ASTN1: variants seen among roughly 807,000 people sequenced by gnomAD.
ASTN1 encodes astrotactin-1.
In ASTN1, 41 loss-of-function variants were observed where a neutral mutation model predicts 140.7. The ratio of observed to expected loss-of-function variants is 0.29; its 90% CI spans 0.23 to 0.38. The LOEUF is 0.38. Among genes scored for constraint, ASTN1 ranks in the 10% least tolerant of loss-of-function variants. The pLI is 1.00. For missense variants in ASTN1, 1,479 were observed against 1,678.8 expected (o/e 0.88, Z 2.08); for synonymous variants, 640 against 652.2 (o/e 0.98, Z 0.29).
chr1:177,134,007 G>A (rs1682057638), intron 1 of ASTN1, among the ~76,000 whole-genome samples: 1 of 152,160 alleles, frequency 6.6e-6, no homozygotes, highest in Admixed American at 6.5e-5. Context: ...GTCACCCAGG[G>A]AATGTGTGTT....
At chr1:177,042,350 C>T (rs933392225) in intron 2 of ASTN1, among the ~76,000 whole-genome samples, 3 of 152,196 alleles carry the variant, frequency 2.0e-5, no homozygotes, top group African/African-American at 7.2e-5. Context: ...TCCAGCAGCA[C>T]AGTCCCTAGC....
Position 176,894,724 on chromosome 1 carries a change from C to T in ASTN1, c.2778G>A (p.Ala926=), listed in dbSNP as rs772918086. 1.5e-5 allele frequency: 25 copies of T among 1,614,026 alleles called. No homozygotes were observed. The highest frequency in any genetic ancestry group is 6.7e-5 in the Admixed American group (4 of 60,010). Residue 926 remains alanine, a synonymous_variant, in exon 17 of 23, where the codon GCG becomes GCA. Transcript: ENST00000361833. ...SLSDSGTKHM[A]AGVRMECHSK... is the part of the protein sequence containing the mutation. ...TGTGGCACTCCATGCGGACTCCAGC[C>T]GCCATGTGCTTGGTGCCGGAGTCTG...
Position 177,032,508 on chromosome 1 carries a change from G to A in ASTN1, c.813C>T (p.Thr271=). 6.2e-7 allele frequency: 1 copy of A among 1,614,102 alleles called. No homozygotes were observed. Among genetic ancestry groups the A allele is most frequent in the Non-Finnish European group, 8.5e-7 (1 of 1,180,024 alleles). The change falls in exon 3 of 23, where the codon ACC becomes ACT. Residue 271 remains threonine (T), a synonymous_variant. Transcript: ENST00000361833. ...GEDFASQVTR[T]LDSLQGCNEK... ...CATTGCAGCCCTGCAGGGAGTCGAGGGTGCGCGTGACCTGGCTGGCAAAGT... is the reference window on the plus strand; with the variant it reads ...CATTGCAGCCCTGCAGGGAGTCGAGAGTGCGCGTGACCTGGCTGGCAAAGT...
intron 16 of ASTN1, among the ~76,000 whole-genome samples, chr1:176,911,396 C>G (rs1263274942): frequency 1.3e-5 from 2 of 152,108 alleles, no homozygotes; most frequent in Non-Finnish European, 2.9e-5. Context: ...AAGTTTTTTA[C>G]TTCATAAACT....
At chr1:176,949,533 C>T (rs1484838542) in intron 11 of ASTN1, among the ~76,000 whole-genome samples, 182 bp from the exon 12 acceptor site, 1 of 152,288 alleles carries the variant, frequency 6.6e-6, no homozygotes, top group African/African-American at 2.4e-5. Context: ...CCTTTTTTGA[C>T]GTCTTTCTTC....
intron 8 of ASTN1, among the ~76,000 whole-genome samples, chr1:176,966,130 A>G (rs1672872184): frequency 6.6e-6 from 1 of 152,204 alleles, no homozygotes; most frequent in African/African-American, 2.4e-5. Context: ...CACTTGTGCA[A>G]CTTACAGTCT....
At chr1:176,859,602 G>T (rs981043251), downstream of ASTN1, among the ~76,000 whole-genome samples, 1 of 152,090 alleles carries the variant, frequency 6.6e-6, no homozygotes, top group Non-Finnish European at 1.5e-5. Flanking sequence ...CTAACAGGGC[G>T]GAACCCTGTC....
chr1:177,061,916 A>G (rs1286628798), intron 1 of ASTN1, among the ~76,000 whole-genome samples: 1 of 152,242 alleles, frequency 6.6e-6, no homozygotes. Flanking sequence ...CATGAAGAAG[A>G]CAGTGAAGAA....
At chr1:177,164,083 A>T (rs528612657) in intron 1 of ASTN1, among the ~76,000 whole-genome samples, 10 of 152,190 alleles carry the variant, frequency 6.6e-5, no homozygotes, top group Admixed American at 2.0e-4. Flanking sequence ...TGCTGTGTGG[A>T]TGTGCTCCTG....
At chr1:177,156,218 A>C (rs10798502) in intron 1 of ASTN1, among the ~76,000 whole-genome samples, 42,172 of 150,882 alleles carry the variant, frequency 0.28, 10,144 homozygotes, top group African/African-American at 0.66. Flanking sequence ...TGCAGTGAGC[A>C]GAGATTGCAC....
intron 11 of ASTN1, among the ~76,000 whole-genome samples, chr1:176,953,917 G>A (rs1672297456): frequency 6.6e-6 from 1 of 152,214 alleles, no homozygotes; most frequent in African/African-American, 2.4e-5. Flanking sequence ...TGAAGTTAAA[G>A]AAGGAGCATT....
chr1:176,870,828 T>C (rs1462614907), intron 21 of ASTN1, among the ~76,000 whole-genome samples: 1 of 152,208 alleles, frequency 6.6e-6, no homozygotes, highest in Non-Finnish European at 1.5e-5. Context: ...ATCTATGGTA[T>C]CTCCAGTTGT....
At chr1:176,910,091 A>G (rs544988901) in intron 16 of ASTN1, among the ~76,000 whole-genome samples, 1 of 152,306 alleles carries the variant, frequency 6.6e-6, no homozygotes, top group East Asian at 1.9e-4. Context: ...TGGCGTTGTG[A>G]AAACTGAGAG....
At chr1:176,891,245 C>T (rs763634342) in intron 17 of ASTN1, among the ~76,000 whole-genome samples, 4 of 152,134 alleles carry the variant, frequency 2.6e-5, no homozygotes, top group African/African-American at 4.8e-5. Context: ...ATTCTTATTC[C>T]AGGAAAGAAA....
At chr1:176,999,934 T>C (rs1039049477) in intron 8 of ASTN1, among the ~76,000 whole-genome samples, 14 of 152,182 alleles carry the variant, frequency 9.2e-5, no homozygotes, top group Non-Finnish European at 1.8e-4. Context: ...ATTAAACCTC[T>C]TTTTGTATAA....
intron 16 of ASTN1, among the ~76,000 whole-genome samples, chr1:176,919,501 G>T (rs903472026): frequency 6.6e-6 from 1 of 152,122 alleles, no homozygotes; most frequent in African/African-American, 2.4e-5. Flanking sequence ...GACCAGTAAA[G>T]GTTGGGAGCT....
chr1:176,926,191 C>T (rs1003244102), intron 16 of ASTN1, among the ~76,000 whole-genome samples: 9 of 149,926 alleles, frequency 6.0e-5, no homozygotes, highest in South Asian at 2.1e-4. Flanking sequence ...ATTATTATTT[C>T]GTTATCTATA....
chr1:176,934,082 C>T, intron 16 of ASTN1, 70 bp downstream of exon 16: 1 of 1,459,216 alleles, frequency 6.9e-7, no homozygotes, highest in Non-Finnish European at 9.3e-7. Flanking sequence ...TAAAATGGGT[C>T]TTATAGATTG....
In ASTN1 at chr1:176,863,444, T is replaced by C. The variant is rs528431071; in HGVS notation, c.*840A>G. The stretch of plus-strand genomic sequence containing the variant: ...TGGAGAAGTCTATCCAAAGGAAGCA[T>C]GGTTTTTTTAAAAAACAATAAACTC... On this transcript the variant is annotated 3_prime_UTR_variant, in exon 23 of 23. Transcript: ENST00000361833. 1.4e-3 allele frequency: 1,391 copies of C among 985,820 alleles called. 1 individual carries two copies. The highest frequency in any genetic ancestry group is 1.6e-3 in the Non-Finnish European group (1,329 of 829,918). The allele number at this position is 985,820 out of a possible 1,614,324, so 61.1% of individuals were successfully genotyped here.
Sources: allele counts gnomAD v4.1 joint callset (sites outside exome capture counted in the v4.1 genomes callset), GRCh38; gene constraint gnomAD v4.1.1; transcripts MANE v1.5; gene names NCBI Gene and HGNC (gene_info 2026-07-23, HGNC 2026-07-21).